The following MXRA5 variants were observed in gnomAD, a reference collection of about 807,000 sequenced individuals.
The protein encoded by MXRA5 is matrix remodeling associated 5, also known as matrix-remodeling-associated protein 5.
A neutral mutation model predicts 112.5 loss-of-function variants in MXRA5; 41 were observed. That is an observed-to-expected ratio of 0.36 (90% CI 0.28 to 0.47). MXRA5 has a LOEUF of 0.47. Among genes scored for constraint, MXRA5 ranks in the 20% least tolerant of loss-of-function variants. MXRA5 has a pLI of 0.99. For synonymous variants in MXRA5, 862 were observed against 900.8 expected (o/e 0.96, Z 0.77); for missense variants, 2,150 against 2,251.0 (o/e 0.96, Z 0.91).
intron 2 of MXRA5, among the ~76,000 whole-genome samples, chrX:3,333,233 G>A (rs757048344): frequency 6.3e-5 from 6 of 95,387 alleles, no homozygotes; most frequent in Non-Finnish European, 1.2e-4. Context: ...AACCCAGGAG[G>A]TTGAGGCTGC....
chrX:3,332,479 C>T (rs1161553538), intron 2 of MXRA5, among the ~76,000 whole-genome samples: 1 of 111,631 alleles, frequency 9.0e-6, no homozygotes, highest in Non-Finnish European at 1.9e-5. Context: ...CTCCTGACCT[C>T]CTGATCCGCC....
In MXRA5 at chrX:3,311,533, G is replaced by C. The variant is rs764256947; in HGVS notation, c.6670C>G (p.Arg2224Gly). Residue 2224 changes from arginine (R) to glycine (G), a missense_variant, in exon 7 of 7, where the codon CGA becomes GGA. Transcript: ENST00000217939. ...KDAGDYLCVA[R>G]NKVGDDYVVL... ...ACGTAGTCATCACCAACCTTATTTC[G>C]AGCTACGCACAGGTAATCTCCGGCA... 17 of 1,211,491 alleles carry C rather than the reference G, an allele frequency of 1.4e-5. No homozygotes were observed. The Admixed American group carries it at 2.6e-4, about 19-fold the overall frequency.
Position 3,324,199 on chromosome X carries a change from G to T in MXRA5, c.1486C>A (p.Pro496Thr). 2.5e-6 allele frequency: 3 copies of T among 1,211,436 alleles called. No individual in the cohort carries two copies. Residue 496 changes from proline to threonine, a missense_variant, in exon 5 of 7, where the codon CCA becomes ACA. Pro to Thr is a conservative substitution (Grantham distance 38). Coordinates refer to ENST00000217939, the MANE Select transcript of MXRA5 (RefSeq NM_015419.4). The part of the protein sequence containing the change: ...QRDQTVLEGG[P>T]CQLSCNVKAS... Reference sequence around the variant, plus strand: ...TTCACGTTGCAGCTCAACTGGCATGGACCCCCTTCCAGGACAGTCTGATCT... The same window carrying T: ...TTCACGTTGCAGCTCAACTGGCATGTACCCCCTTCCAGGACAGTCTGATCT...
intron 1 of MXRA5, among the ~76,000 whole-genome samples, chrX:3,344,603 C>A (rs1922064138): frequency 9.0e-6 from 1 of 111,578 alleles, no homozygotes; most frequent in Admixed American, 9.6e-5. Context: ...TGGAAAAGCT[C>A]GGGTAAAGCT....
At chrX:3,328,757 G>C (rs1921572028) in intron 4 of MXRA5, among the ~76,000 whole-genome samples, 1 of 105,598 alleles carries the variant, frequency 9.5e-6, no homozygotes, top group Non-Finnish European at 1.9e-5. Flanking sequence ...GGGGGAGAAA[G>C]GAAGGAAGGA....
At chrX:3,341,050 ATATATAT>A (rs1329801852) in intron 2 of MXRA5, among the ~76,000 whole-genome samples, 4 of 48,606 alleles carry the variant, frequency 8.2e-5, no homozygotes, top group African/African-American at 1.3e-4. Context: ...ATTGTGTATA[ATATATAT>A]TATATATTAT....
At chrX:3,319,315 G>A (rs1365473070) in intron 5 of MXRA5, among the ~76,000 whole-genome samples, 1 of 112,514 alleles carries the variant, frequency 8.9e-6, no homozygotes, top group Non-Finnish European at 1.9e-5. Context: ...GCCATCTTCA[G>A]GCAAAGGACA....
At chrX:3,345,787 G>A (rs1922093478) in intron 1 of MXRA5, among the ~76,000 whole-genome samples, 1 of 113,064 alleles carries the variant, frequency 8.8e-6, no homozygotes, top group African/African-American at 3.2e-5. Context: ...GCCCCTGGCC[G>A]GCTTCCAGAG....
rs763006820 is a variant in MXRA5, at chrX:3,323,435, C to T, written c.2250G>A (p.Ser750=). 2.5e-6 allele frequency: 3 copies of T among 1,211,772 alleles called. No individual in the cohort carries two copies. Among genetic ancestry groups the T allele is most frequent in the South Asian group, 1.8e-5 (1 of 56,987 alleles). ...CAACATTGGTCTCTGGTTCTTTTTC[C>T]GAATGCTTCCAGAGTTTCAGCTTTC... is the stretch of plus-strand genomic sequence containing the variant. ...GRRKLKLWKH[S]EKEPETNVAE... The change falls in exon 5 of 7, where the codon TCG becomes TCA. Residue 750 remains serine, a synonymous_variant. Coordinates refer to ENST00000217939, the MANE Select transcript of MXRA5 (RefSeq NM_015419.4).
At chrX:3,340,963 A>T (rs1162036566) in intron 2 of MXRA5, among the ~76,000 whole-genome samples, 2 of 87,327 alleles carry the variant, frequency 2.3e-5, no homozygotes, top group Non-Finnish European at 4.3e-5. Flanking sequence ...AAATAGATAT[A>T]TATTATGTAT....
At chrX:3,318,704 C>T (rs140189400) in intron 5 of MXRA5, among the ~76,000 whole-genome samples, 2 of 111,739 alleles carry the variant, frequency 1.8e-5, no homozygotes, top group South Asian at 3.8e-4. Context: ...AAGGAAATGA[C>T]GTCAGTATGT....
chrX:3,320,469 G>A lies in MXRA5; in HGVS notation c.5216C>T (p.Ser1739Phe), dbSNP rs1255777117. Residue 1739 changes from serine to phenylalanine, a missense_variant, in exon 5 of 7, where the codon TCT (serine) becomes TTT (phenylalanine). Ser to Phe is a radical substitution (Grantham distance 155). Coordinates refer to ENST00000217939, the MANE Select transcript of MXRA5 (RefSeq NM_015419.4). ...CCGGGTGACTCCCAACTGTGGAAAAGAAAGAGTCTTGTTGGTAAAGAAAGG... is the reference window on the plus strand; with the variant it reads ...CCGGGTGACTCCCAACTGTGGAAAAAAAAGAGTCTTGTTGGTAAAGAAAGG... ...RLPFFTNKTL[S>F]FPQLGVTRRP... The A allele has an allele frequency of 1.7e-6, 2 of 1,211,643 alleles. No individual in the cohort carries two copies. The highest frequency in any genetic ancestry group is 5.9e-5 in the East Asian group (2 of 33,843).
At chrX:3,318,889 G>A (rs757400115) in intron 5 of MXRA5, among the ~76,000 whole-genome samples, 2 of 110,497 alleles carry the variant, frequency 1.8e-5, no homozygotes, top group East Asian at 5.7e-4. Flanking sequence ...AACAAAAAAC[G>A]AAATTCTGTC....
At chrX:3,315,395 A>AGATAGATAGATG (rs1921084334) in intron 6 of MXRA5, among the ~76,000 whole-genome samples, 1 of 61,203 alleles carries the variant, frequency 1.6e-5, no homozygotes, top group Non-Finnish European at 2.9e-5. Flanking sequence ...GATAGATGAT[A>AGATAGATAGATG]GATAGATAGA....
intron 2 of MXRA5, among the ~76,000 whole-genome samples, chrX:3,339,840 T>A: frequency 8.9e-6 from 1 of 112,508 alleles, no homozygotes; most frequent in Non-Finnish European, 1.9e-5. Flanking sequence ...TATTAGCCCC[T>A]TGGCTTACAT....
chrX:3,335,308 GGCCTCA>G (rs1390365393), intron 2 of MXRA5, among the ~76,000 whole-genome samples: 4 of 110,915 alleles, frequency 3.6e-5, no homozygotes, highest in Non-Finnish European at 7.6e-5. Context: ...GCAATTCTCT[GGCCTCA>G]GCCTCCCGAG....
chrX:3,323,904 G>A lies in MXRA5; in HGVS notation c.1781C>T (p.Ser594Leu), dbSNP rs140956390. The A allele has an allele frequency of 2.8e-5, 34 of 1,205,546 alleles. No individual in the cohort carries two copies. In the African/African-American group the frequency reaches 4.0e-4, roughly 14 times the overall value. Reference protein sequence around the residue: ...TVTIGKNPGESVTLPCNALAI... With the variant: ...TVTIGKNPGELVTLPCNALAI... Reference sequence around the variant, plus strand: ...TAAAGCATTGCAAGGCAATGTCACCGACTCCCCTGGGTTCTTGCCAATTGT... The same window carrying A: ...TAAAGCATTGCAAGGCAATGTCACCAACTCCCCTGGGTTCTTGCCAATTGT... Residue 594 changes from serine to leucine, a missense_variant, in exon 5 of 7, where the codon TCG (serine) becomes TTG (leucine). Transcript: ENST00000217939.
Position 3,310,535 on chromosome X carries a change from C to T in MXRA5, c.7668G>A (p.Ala2556=), listed in dbSNP as rs781490606. Residue 2556 remains alanine (A), a synonymous_variant, in exon 7 of 7, where the codon GCG becomes GCA. Coordinates refer to ENST00000217939, the MANE Select transcript of MXRA5 (RefSeq NM_015419.4). The part of the protein sequence containing the change: ...DPISEKITAM[A]GHTISLNCSA... ...AGCAGTTGAGGCTGATGGTGTGGCC[C>T]GCCATGGCCGTGATCTTCTCGCTGA... 2.4e-5 allele frequency: 28 copies of T among 1,189,272 alleles called. No individual in the cohort carries two copies. The highest frequency in any genetic ancestry group is 9.2e-5 in the East Asian group (3 of 32,628).
Position 3,320,790 on chromosome X carries a change from T to C in MXRA5, c.4895A>G (p.Tyr1632Cys), listed in dbSNP as rs1220823252. 1 of 1,210,477 alleles carries C rather than the reference T, an allele frequency of 8.3e-7. No homozygotes were observed. The highest frequency in any genetic ancestry group is 1.1e-6 in the Non-Finnish European group (1 of 895,396). ...ACGAGGTGACTGGGAAGTTACAAAG[T>C]ATCTGGAAGCGCTTTGTGTGGACAT... ...PEMSTQSASR[Y>C]FVTSQSPRHW... The change falls in exon 5 of 7, where the codon TAC (tyrosine) becomes TGC (cysteine). Residue 1632 changes from tyrosine (Y) to cysteine (C), a missense_variant. Tyr to Cys is a radical substitution (Grantham distance 194). Around this residue, in one of 6 missense-constraint regions of MXRA5, gnomAD observed 1,485 missense variants for 1,471.6 expected, o/e 1.01. Coordinates refer to ENST00000217939, the MANE Select transcript of MXRA5 (RefSeq NM_015419.4).
Sources: allele counts gnomAD v4.1 joint callset (sites outside exome capture counted in the v4.1 genomes callset), GRCh38; gene constraint gnomAD v4.1.1; regional missense constraint gnomAD v4.1.1; transcripts MANE v1.5; gene names NCBI Gene and HGNC (gene_info 2026-07-23, HGNC 2026-07-21).